HMGCLL1: variants seen among roughly 807,000 people sequenced by gnomAD.
HMGCLL1 encodes 3-hydroxy-3-methylglutaryl-CoA lyase like 1.
HMGCLL1 carries 36 observed loss-of-function variants against 39.1 expected under a neutral mutation model. The ratio of observed to expected loss-of-function variants is 0.92; its 90% CI spans 0.71 to 1.22. The LOEUF (loss-of-function observed/expected upper bound fraction) is 1.22, where lower values mean the gene tolerates loss of function less well. HMGCLL1 is among the 50% of genes most tolerant of loss of function. HMGCLL1 has a pLI of 0.00. For synonymous variants in HMGCLL1, 149 were observed against 144.0 expected (o/e 1.03, Z -0.25); for missense variants, 451 against 416.5 (o/e 1.08, Z -0.72).
At chr6:55,598,628 A>T in the HMGCLL1 span, among the ~76,000 whole-genome samples, 1 of 152,202 alleles carries the variant, frequency 6.6e-6, no homozygotes, top group Non-Finnish European at 1.5e-5. Flanking sequence ...ATACCTCACA[A>T]GTACCGTTCT....
At chr6:55,469,390 TA>T (rs1764938085) in intron 7 of HMGCLL1, among the ~76,000 whole-genome samples, 1 of 141,098 alleles carries the variant, frequency 7.1e-6, no homozygotes, top group Non-Finnish European at 1.6e-5. Context: ...TATACACATA[TA>T]TACATATATA....
the HMGCLL1 span, among the ~76,000 whole-genome samples, chr6:55,649,020 T>A: frequency 6.6e-6 from 1 of 152,094 alleles, no homozygotes; most frequent in Non-Finnish European, 1.5e-5. Flanking sequence ...TCTCTTCATG[T>A]CTTATTGTAC....
At chr6:55,488,957 G>A (rs950229021) in intron 7 of HMGCLL1, among the ~76,000 whole-genome samples, 3 of 151,796 alleles carry the variant, frequency 2.0e-5, no homozygotes, top group African/African-American at 7.3e-5. Context: ...GTGTGTTTTC[G>A]GGGTGGTGTG....
the HMGCLL1 span, among the ~76,000 whole-genome samples, chr6:55,609,993 AC>A: frequency 1.3e-5 from 2 of 152,184 alleles, no homozygotes; most frequent in East Asian, 3.9e-4. Context: ...AACAGCATCA[AC>A]CAAAAAAAGT....
the HMGCLL1 span, among the ~76,000 whole-genome samples, chr6:55,630,695 T>C: frequency 6.6e-6 from 1 of 152,010 alleles, no homozygotes; most frequent in South Asian, 2.1e-4. Flanking sequence ...TATTCACTAC[T>C]CTCCTGACAG....
intron 3 of HMGCLL1, among the ~76,000 whole-genome samples, chr6:55,539,917 A>G (rs937005096): frequency 7.5e-6 from 1 of 133,368 alleles, no homozygotes; most frequent in African/African-American, 2.9e-5. Context: ...AAAGAAAGAA[A>G]GAAAAGGAGG....
the HMGCLL1 span, among the ~76,000 whole-genome samples, chr6:55,603,383 A>G: frequency 2.6e-5 from 4 of 152,076 alleles, no homozygotes; most frequent in African/African-American, 9.7e-5. Context: ...TAGTTAACAA[A>G]TTCCACTTTT....
chr6:55,548,349 TAC>T (rs1407647481), intron 1 of HMGCLL1, among the ~76,000 whole-genome samples: 1 of 152,012 alleles, frequency 6.6e-6, no homozygotes, highest in Non-Finnish European at 1.5e-5. Context: ...GGAAAATCAG[TAC>T]AGAGTATCAG....
intron 7 of HMGCLL1, among the ~76,000 whole-genome samples, chr6:55,475,926 C>G (rs538989762): frequency 8.6e-4 from 130 of 151,672 alleles, no homozygotes; most frequent in African/African-American, 3.1e-3. Flanking sequence ...TTTCTCAGCT[C>G]TCTTTTCTTT....
At chr6:55,471,721 T>C (rs942003249) in intron 7 of HMGCLL1, among the ~76,000 whole-genome samples, 5 of 151,568 alleles carry the variant, frequency 3.3e-5, no homozygotes, top group Non-Finnish European at 5.9e-5. Flanking sequence ...AATATACATA[T>C]AGAGAAGAGC....
intron 1 of HMGCLL1, among the ~76,000 whole-genome samples, chr6:55,572,161 C>G (rs752660251): frequency 2.0e-5 from 3 of 151,850 alleles, no homozygotes; most frequent in Non-Finnish European, 2.9e-5. Flanking sequence ...AAGTGATAAA[C>G]TGTAGGAAGA....
the HMGCLL1 span, among the ~76,000 whole-genome samples, chr6:55,661,400 A>T: frequency 6.6e-6 from 1 of 151,910 alleles, no homozygotes; most frequent in East Asian, 1.9e-4. Context: ...TATGTGGTGT[A>T]AAGAAGGGGT....
At chr6:55,479,601 A>AT (rs1168995066) in intron 7 of HMGCLL1, among the ~76,000 whole-genome samples, 2 of 151,342 alleles carry the variant, frequency 1.3e-5, no homozygotes, top group African/African-American at 4.9e-5. Flanking sequence ...CTTTATATCC[A>AT]TTTTTCATTT....
At chr6:55,565,658 TC>T (rs1179393871) in intron 1 of HMGCLL1, among the ~76,000 whole-genome samples, 10 of 152,070 alleles carry the variant, frequency 6.6e-5, no homozygotes, top group Admixed American at 2.0e-4. Flanking sequence ...GGGATCCAGC[TC>T]TCTAGAGATG....
chr6:55,524,698 C>G (rs1768221330), intron 3 of HMGCLL1, among the ~76,000 whole-genome samples: 1 of 151,858 alleles, frequency 6.6e-6, no homozygotes. Flanking sequence ...CAGAGACTGG[C>G]TCAAACTTTG....
intron 3 of HMGCLL1, among the ~76,000 whole-genome samples, chr6:55,538,145 C>T (rs1023076129): frequency 6.6e-6 from 1 of 152,090 alleles, no homozygotes; most frequent in African/African-American, 2.4e-5. Context: ...AATTTCCACT[C>T]TTGCATAATA....
intron 1 of HMGCLL1, among the ~76,000 whole-genome samples, chr6:55,557,053 TAGA>T (rs1561961347): frequency 6.6e-6 from 1 of 152,210 alleles, no homozygotes; most frequent in East Asian, 1.9e-4. Flanking sequence ...AATATTTTCC[TAGA>T]AGCTTTCTCA....
At chr6:55,477,407 A>AT (rs1561905335) in intron 7 of HMGCLL1, among the ~76,000 whole-genome samples, 1 of 26,126 alleles carries the variant, frequency 3.8e-5, no homozygotes, top group Non-Finnish European at 5.4e-5. Context: ...TATATTATCT[A>AT]AATATATATT....
At chr6:55,553,202 C>CATATACACACACAT (rs70986734) in intron 1 of HMGCLL1, among the ~76,000 whole-genome samples, 3 of 148,612 alleles carry the variant, frequency 2.0e-5, no homozygotes, top group African/African-American at 7.5e-5. Context: ...CACACACACA[C>CATATACACACACAT]ATACACACAC....
Sources: gnomAD v4.1 joint callset for allele counts (sites outside exome capture counted in the v4.1 genomes callset) on GRCh38, gnomAD v4.1.1 for gene constraint, MANE v1.5 for transcripts, NCBI Gene and HGNC (gene_info 2026-07-23, HGNC 2026-07-21) for gene names.